The following FRYL variants were observed in gnomAD, a reference collection of about 807,000 sequenced individuals.
FRYL encodes protein furry homolog-like.
In FRYL, 150 loss-of-function variants were observed where a neutral mutation model predicts 351.2. The observed-to-expected ratio is 0.43, with a 90% CI of 0.37 to 0.49. The LOEUF (loss-of-function observed/expected upper bound fraction) is 0.49. Ranked by LOEUF, FRYL falls within the 20% of genes least tolerant of loss-of-function variation. The pLI is 0.00. For missense variants in FRYL, 3,036 were observed against 3,619.3 expected, an observed-to-expected ratio of 0.84 and a Z score of 4.13; for synonymous variants, 1,153 against 1,257.1, an observed-to-expected ratio of 0.92 and a Z score of 1.75.
chr4:48,527,630 A>G lies in FRYL; in HGVS notation c.7164T>C (p.Asp2388=). 1 of 1,609,466 alleles carries G rather than the reference A, an allele frequency of 6.2e-7. No homozygotes were observed. Among genetic ancestry groups the G allele is most frequent in the South Asian group, 1.1e-5 (1 of 90,568 alleles). Reference sequence around the variant, plus strand: ...TAGTCTGTTGGTCACCGACTTCCAAATCCTCATTAGAAGAAAATACAACCT... The same window carrying G: ...TAGTCTGTTGGTCACCGACTTCCAAGTCCTCATTAGAAGAAAATACAACCT... ...NPSVVFSSNE[D]LEVGDQQTSL... Residue 2388 remains aspartate (D), a synonymous_variant, in exon 53 of 64, where the codon GAT becomes GAC. Transcript: ENST00000358350.
intron 3 of FRYL, among the ~76,000 whole-genome samples, chr4:48,661,541 T>G (rs1346397162): frequency 6.6e-6 from 1 of 152,198 alleles, no homozygotes; most frequent in Admixed American, 6.5e-5. Context: ...AGCAACTATC[T>G]AAGCACTCCT....
chr4:48,742,250 GTTAA>G (rs1245379570), intron 1 of FRYL, among the ~76,000 whole-genome samples: 1 of 152,124 alleles, frequency 6.6e-6, no homozygotes, highest in East Asian at 1.9e-4. Flanking sequence ...AAAGTCTGAC[GTTAA>G]TTTTTAGTAG....
intron 1 of FRYL, among the ~76,000 whole-genome samples, chr4:48,742,449 T>C (rs911185015): frequency 3.3e-5 from 5 of 152,208 alleles, no homozygotes; most frequent in Admixed American, 3.3e-4. Context: ...AACTTCATCA[T>C]GTTGGATGCC....
chr4:48,612,284 C>A (rs540991399), intron 7 of FRYL, among the ~76,000 whole-genome samples: 2 of 151,742 alleles, frequency 1.3e-5, no homozygotes, highest in East Asian at 3.9e-4. Context: ...ATATTTTCTT[C>A]GAGGCATCCA....
At chr4:48,662,434 T>A (rs1760930377) in intron 3 of FRYL, among the ~76,000 whole-genome samples, 1 of 151,760 alleles carries the variant, frequency 6.6e-6, no homozygotes, top group Non-Finnish European at 1.5e-5. Flanking sequence ...ACAATAACAA[T>A]AATATTTTTT....
chr4:48,577,884 A>C (rs1260661302), intron 23 of FRYL, among the ~76,000 whole-genome samples: 2 of 151,724 alleles, frequency 1.3e-5, no homozygotes, highest in African/African-American at 2.4e-5. Flanking sequence ...TCTTTAAAAA[A>C]AAAACAAAAA....
At chr4:48,575,981 TG>T in intron 24 of FRYL, 48 bp downstream of exon 24, 1 of 1,351,608 alleles carries the variant, frequency 7.4e-7, no homozygotes, top group Non-Finnish European at 9.9e-7. Context: ...CTTATTTTTA[TG>T]GGGCCATTCA....
chr4:48,570,001 A>G (rs1190068597), intron 27 of FRYL, among the ~76,000 whole-genome samples: 2 of 151,748 alleles, frequency 1.3e-5, no homozygotes, highest in African/African-American at 4.8e-5. Context: ...TTTTATAGAG[A>G]TGGGATTTTG....
At chr4:48,501,248 T>C (rs1370205258) in intron 62 of FRYL, among the ~76,000 whole-genome samples, 2 of 152,172 alleles carry the variant, frequency 1.3e-5, no homozygotes, top group East Asian at 3.8e-4. Context: ...TGGAGTGCAG[T>C]GCTGCAATCA....
At chr4:48,652,776 G>A (rs180798473) in intron 3 of FRYL, among the ~76,000 whole-genome samples, 19 of 152,242 alleles carry the variant, frequency 1.2e-4, no homozygotes, top group Admixed American at 3.9e-4. Context: ...AGTTAACCTG[G>A]AAAAATGTAA....
intron 60 of FRYL, among the ~76,000 whole-genome samples, chr4:48,503,621 TGTTACACC>T (rs1282581414): frequency 6.6e-6 from 1 of 152,214 alleles, no homozygotes; most frequent in Non-Finnish European, 1.5e-5. Context: ...AAACAACAAT[TGTTACACC>T]GTAAATGTAT....
chr4:48,661,042 AAAT>A (rs1760603545), intron 3 of FRYL, among the ~76,000 whole-genome samples: 1 of 152,244 alleles, frequency 6.6e-6, no homozygotes, highest in Non-Finnish European at 1.5e-5. Context: ...GAGCTTTTGT[AAAT>A]AATAATGCAT....
At chr4:48,528,814 C>A (rs553952444) in intron 50 of FRYL, among the ~76,000 whole-genome samples, 1 of 152,240 alleles carries the variant, frequency 6.6e-6, no homozygotes, top group South Asian at 2.1e-4. Flanking sequence ...AAAAGAGGAA[C>A]ACTTCTATGT....
In FRYL at chr4:48,534,526, A is replaced by G; in HGVS notation, c.6705+19T>C. 1.9e-6 allele frequency: 3 copies of G among 1,582,208 alleles called. No individual in the cohort carries two copies. The highest frequency in any genetic ancestry group is 2.6e-6 in the Non-Finnish European group (3 of 1,159,328). ...TTTTTAGATGAAAAATGTTATATGT[A>G]AGTTTTGTGGTCACTCACCTGTACA... is the stretch of plus-strand genomic sequence containing the variant. On this transcript the variant is annotated intron_variant, in intron 49 of 63. Transcript: ENST00000358350.
At chr4:48,561,328 T>G in intron 33 of FRYL, 140 bp downstream of exon 33, 2 of 526,708 alleles carry the variant, frequency 3.8e-6, no homozygotes, top group Non-Finnish European at 6.2e-6. Context: ...GAGTTCTTAT[T>G]GAAGAAAAAA....
chr4:48,565,545 A>G lies in FRYL; in HGVS notation c.3316T>C (p.Tyr1106His). Residue 1106 changes from tyrosine (Y) to histidine (H), a missense_variant, in exon 29 of 64, where the codon TAC becomes CAC. Tyr to His is a moderately conservative substitution (Grantham distance 83). Transcript: ENST00000358350. ...TAAGTAAATACCTTTAACGCACAGT[A>G]TTGATGTCTATTAATTTGCATATTT... ...DRNMQINRHQ[Y>H]CALKAMSAVL... The G allele has an allele frequency of 6.2e-7, 1 of 1,606,972 alleles. No homozygotes were observed. Among genetic ancestry groups the G allele is most frequent in the Non-Finnish European group, 8.5e-7 (1 of 1,178,234 alleles).
intron 3 of FRYL, among the ~76,000 whole-genome samples, chr4:48,643,948 A>T (rs1335710806): frequency 6.8e-6 from 1 of 147,726 alleles, no homozygotes; most frequent in Non-Finnish European, 1.5e-5. Context: ...TCCAACTAAA[A>T]TTTTTTTTTT....
At chr4:48,731,016 G>A (rs1185103711) in intron 1 of FRYL, among the ~76,000 whole-genome samples, 1 of 152,008 alleles carries the variant, frequency 6.6e-6, no homozygotes. Context: ...ATAAAGGGAT[G>A]GAGGAAGATC....
chr4:48,678,130 T>G (rs1764022895), intron 3 of FRYL, among the ~76,000 whole-genome samples: 1 of 152,094 alleles, frequency 6.6e-6, no homozygotes. Context: ...CGGTGGCTCA[T>G]GCCTGTAATC....
Sources: allele counts gnomAD v4.1 joint callset (sites outside exome capture counted in the v4.1 genomes callset), GRCh38; gene constraint gnomAD v4.1.1; transcripts MANE v1.5; gene names NCBI Gene and HGNC (gene_info 2026-07-23, HGNC 2026-07-21).